The following HTRA3 variants were observed in gnomAD, a reference collection of about 807,000 sequenced individuals.
HTRA3 encodes the protein serine protease HTRA3.
Under a neutral mutation model 43.2 loss-of-function variants are expected in HTRA3, and 41 were observed. That is an observed-to-expected ratio of 0.95 (90% CI 0.74 to 1.23). HTRA3 has a LOEUF of 1.23. Ranked by LOEUF, HTRA3 falls within the 50% of genes most tolerant of loss-of-function variation. The probability of loss-of-function intolerance (pLI) is 0.00; values close to 1 mark genes in which losing one functional copy is unlikely to be tolerated. For missense variants in HTRA3, 628 were observed against 647.1 expected, an observed-to-expected ratio of 0.97 and a Z score of 0.32; for synonymous variants, 295 against 287.9, an observed-to-expected ratio of 1.02 and a Z score of -0.25.
At chr4:8,277,756 C>T (rs569684022) in intron 1 of HTRA3, among the ~76,000 whole-genome samples, 1 of 152,294 alleles carries the variant, frequency 6.6e-6, no homozygotes, top group Non-Finnish European at 1.5e-5. Context: ...TTAGAGGTTG[C>T]CATCTGGTCT....
intron 5 of HTRA3, 44 bp from the exon 6 acceptor site, chr4:8,294,043 C>A: frequency 7.2e-7 from 1 of 1,382,816 alleles, no homozygotes. Flanking sequence ...CAGGGGTTTG[C>A]CTGGGTTCCC....
At chr4:8,293,406 G>C (rs1041296674) in intron 5 of HTRA3, among the ~76,000 whole-genome samples, 2 of 152,194 alleles carry the variant, frequency 1.3e-5, no homozygotes, top group East Asian at 1.9e-4. Context: ...CCAGGGACCA[G>C]GAGGACAAAG....
At chr4:8,292,593 G>A (rs1184537405) in intron 5 of HTRA3, among the ~76,000 whole-genome samples, 6 of 152,232 alleles carry the variant, frequency 3.9e-5, no homozygotes, top group Non-Finnish European at 4.4e-5. Context: ...CTCAGTCCAG[G>A]GCCATGTGCC....
intron 3 of HTRA3, among the ~76,000 whole-genome samples, chr4:8,290,829 G>A (rs189727029): frequency 6.6e-5 from 10 of 152,310 alleles, no homozygotes; most frequent in Admixed American, 3.9e-4. Context: ...GCGGCGTGGG[G>A]TGGAGCTCGG....
At position 8,296,256 on chromosome 4, in the gene HTRA3, C is replaced by T; in HGVS notation, c.1051+2055C>T. 1 of 985,660 alleles carries T rather than the reference C, an allele frequency of 1.0e-6. No individual in the cohort carries two copies. Among genetic ancestry groups the T allele is most frequent in the Non-Finnish European group, 1.2e-6 (1 of 830,108 alleles). The allele number at this position is 985,660 out of a possible 1,614,324, so 61.1% of individuals were successfully genotyped here. On this transcript the variant is annotated intron_variant, in intron 6 of 8. Transcript: ENST00000307358. The surrounding 1 kb of genome is among the most constrained non-coding windows in gnomAD (Gnocchi z 5.3). ...GGCCTAGGTTTGCTCCTTTGTTGTA[C>T]AGGGGCTGTCCCAGTTAGTGCTGAC... is the stretch of plus-strand genomic sequence containing the variant.
chr4:8,276,510 G>T (rs1712529612), intron 1 of HTRA3, among the ~76,000 whole-genome samples: 1 of 152,278 alleles, frequency 6.6e-6, no homozygotes, highest in Non-Finnish European at 1.5e-5. Flanking sequence ...GCCGGAGGGA[G>T]TTTCATTGGC....
intron 3 of HTRA3, among the ~76,000 whole-genome samples, chr4:8,289,321 G>T (rs1713132823): frequency 6.6e-6 from 1 of 152,190 alleles, no homozygotes; most frequent in Admixed American, 6.5e-5. Context: ...TCACAACCAC[G>T]CATCTCTGCT....
chr4:8,284,427 C>T (rs906947899), intron 2 of HTRA3, among the ~76,000 whole-genome samples: 1 of 152,216 alleles, frequency 6.6e-6, no homozygotes, highest in East Asian at 1.9e-4. Context: ...TCAGAGCCTC[C>T]AGTGACTGAT....
chr4:8,296,003 G>A lies in HTRA3; in HGVS notation c.1051+1802G>A. 8.4e-7 allele frequency: 1 copy of A among 1,186,138 alleles called. No individual in the cohort carries two copies. The highest frequency in any genetic ancestry group is 1.6e-5 in the African/African-American group (1 of 63,528). The allele number at this position is 1,186,138 out of a possible 1,614,324, so 73.5% of individuals were successfully genotyped here. A position where few individuals can be genotyped will look rare whatever the true frequency, so the allele number is the denominator to read the frequency against. On this transcript the variant is annotated intron_variant, in intron 6 of 8. Transcript: ENST00000307358. This position sits in a 1 kb window ranked among gnomAD's most constrained non-coding sequence, Gnocchi z 5.3. ...TCTAGGAAGCTCAGAGCTAGATTCA[G>A]GGGTGCACCCAGACCTGTCCTAGCA...
rs961714402 is a variant in HTRA3, at chr4:8,306,478, A to G, written c.*342A>G. 1.8e-5 allele frequency: 4 copies of G among 221,956 alleles called. No individual in the cohort carries two copies. Among genetic ancestry groups the G allele is most frequent in the Non-Finnish European group, 3.6e-5 (4 of 110,862 alleles). 13.7% of individuals were successfully genotyped at this position (221,956 alleles called of 1,614,324 possible). ...TCTGCCCCTGTGAACACCCATCTGC[A>G]GTATCCCCTGCTCCTGCCCCTCCTA... On this transcript the variant is annotated 3_prime_UTR_variant, in exon 9 of 9. Coordinates refer to ENST00000307358, the MANE Select transcript of HTRA3 (RefSeq NM_053044.5). The surrounding 1 kb of genome is among the most constrained non-coding windows in gnomAD (Gnocchi z 8.9).
intron 1 of HTRA3, among the ~76,000 whole-genome samples, chr4:8,274,380 G>C (rs11736323): frequency 0.3 from 45,140 of 152,102 alleles, 6,948 homozygotes; most frequent in South Asian, 0.49. Flanking sequence ...GCACACCCAG[G>C]GTCTCCGGTG....
intron 8 of HTRA3, among the ~76,000 whole-genome samples, chr4:8,305,401 T>A (rs2153007562): frequency 6.6e-6 from 1 of 152,382 alleles, no homozygotes; most frequent in South Asian, 2.1e-4. Context: ...TCACCCATTT[T>A]ACAGGTGGAG....
intron 1 of HTRA3, among the ~76,000 whole-genome samples, chr4:8,277,825 C>G (rs184810447): frequency 6.6e-6 from 1 of 152,344 alleles, no homozygotes; most frequent in Non-Finnish European, 1.5e-5. Flanking sequence ...TGGCTATCCA[C>G]TCATGGCTCC....
rs533440970 is a variant in HTRA3, at chr4:8,279,887, C to G, written c.386-2550C>G. ...TGTGCTGTCTCTGGTCGGTCACTGA[C>G]TTGACCCTTGCCCCCAGCTGAACCA... On this transcript the variant is annotated intron_variant, in intron 1 of 8. Transcript: ENST00000307358. The surrounding 1 kb of genome is among the most constrained non-coding windows in gnomAD (Gnocchi z 7.4). Among the ~76,000 whole-genome samples the G allele has an allele frequency of 6.6e-6, 1 of 152,364 alleles. No homozygotes were observed. The highest frequency in any genetic ancestry group is 6.5e-5 in the Admixed American group (1 of 15,314).
In HTRA3 at chr4:8,306,069, T is replaced by G. The variant is rs1207401021; in HGVS notation, c.1295T>G (p.Leu432Arg). ...GAGGCCGTGCTGACCGAGTCTCCTC[T>G]CCTACTGGAGGTGCGGCGGGGGAAC... ...LQEAVLTESP[L>R]LLEVRRGNDD... is the part of the protein sequence containing the mutation. Residue 432 changes from leucine to arginine, a missense_variant, in exon 9 of 9, where the codon CTC becomes CGC. Physicochemically the swap from Leu to Arg is moderately radical, Grantham distance 102. Coordinates refer to ENST00000307358, the MANE Select transcript of HTRA3 (RefSeq NM_053044.5). The surrounding 1 kb of genome is among the most constrained non-coding windows in gnomAD (Gnocchi z 8.9). 9 of 1,611,504 alleles carry G rather than the reference T, an allele frequency of 5.6e-6. No individual in the cohort carries two copies. The South Asian group carries it at 9.9e-5, about 18-fold the overall frequency.
intron 1 of HTRA3, among the ~76,000 whole-genome samples, chr4:8,272,243 C>G (rs554861833): frequency 1.3e-5 from 2 of 152,212 alleles, no homozygotes; most frequent in Non-Finnish European, 2.9e-5. Flanking sequence ...GTGTGCCTGG[C>G]TGGCCCCAGG....
At position 8,286,117 on chromosome 4, in the gene HTRA3, CGGA is replaced by C. The variant is rs1712956686; in HGVS notation, c.486-438_486-436del. Among the ~76,000 whole-genome samples the C allele has an allele frequency of 6.6e-6, 1 of 152,154 alleles. No homozygotes were observed. On this transcript the variant is annotated intron_variant, in intron 2 of 8. Transcript: ENST00000307358. The surrounding 1 kb of genome is among the most constrained non-coding windows in gnomAD (Gnocchi z 4.9). The stretch of plus-strand genomic sequence containing the variant: ...TTAGAGCCCAGGCATCACCACTCGG[CGGA>C]GGAGGTGTTGTTGTCCCATTTCCCA...
At position 8,296,437 on chromosome 4, in the gene HTRA3, G is replaced by T; in HGVS notation, c.1051+2236G>T. The T allele has an allele frequency of 1.0e-6, 1 of 985,352 alleles. No homozygotes were observed. The highest frequency in any genetic ancestry group is 1.2e-6 in the Non-Finnish European group (1 of 829,846). The allele number at this position is 985,352 out of a possible 1,614,324, so 61.0% of individuals were successfully genotyped here. On this transcript the variant is annotated intron_variant, in intron 6 of 8. Transcript: ENST00000307358. This position sits in a 1 kb window ranked among gnomAD's most constrained non-coding sequence, Gnocchi z 5.3. ...CTGAAGTTGACTGGTGTTTGTACTT[G>T]CTTCTCTTTTTTATTTAATAAAATC... is the stretch of plus-strand genomic sequence containing the variant.
chr4:8,297,736 C>T lies in HTRA3; in HGVS notation c.1051+3535C>T, dbSNP rs948148226. Among the ~76,000 whole-genome samples the T allele has an allele frequency of 6.6e-6, 1 of 152,052 alleles. No individual in the cohort carries two copies. Among genetic ancestry groups the T allele is most frequent in the Non-Finnish European group, 1.5e-5 (1 of 67,986 alleles). ...TGTGCAGGTCCTGTCGAGGATCCCA[C>T]CCCCTGGATTTAGAAGCCACCTAGA... On this transcript the variant is annotated intron_variant, in intron 6 of 8. Transcript: ENST00000307358. This position sits in a 1 kb window ranked among gnomAD's most constrained non-coding sequence, Gnocchi z 5.8.
Sources: allele counts gnomAD v4.1 joint callset (sites outside exome capture counted in the v4.1 genomes callset), GRCh38; gene constraint gnomAD v4.1.1; non-coding constraint Gnocchi (gnomAD v3.1); transcripts MANE v1.5; gene names NCBI Gene and HGNC (gene_info 2026-07-23, HGNC 2026-07-21).